Variants in PRDM6 observed in about 807,000 individuals in gnomAD.
PRDM6 encodes the protein PR/SET domain 6.
PRDM6 carries 25 observed loss-of-function variants against 60.8 expected under a neutral mutation model. The ratio of observed to expected loss-of-function variants is 0.41; its 90% CI spans 0.30 to 0.57. PRDM6 has a LOEUF of 0.57. Among genes scored for constraint, PRDM6 ranks in the 20% least tolerant of loss-of-function variants. The pLI is 0.27. For synonymous variants in PRDM6, 407 were observed against 357.4 expected (o/e 1.14, Z -1.57); for missense variants, 839 against 821.3 (o/e 1.02, Z -0.26).
chr5:123,181,514 G>A (rs188338164), intron 7 of PRDM6, among the ~76,000 whole-genome samples: 6 of 152,282 alleles, frequency 3.9e-5, no homozygotes, highest in African/African-American at 1.2e-4. Context: ...TGTTCTCAGA[G>A]CAGTTTTTAT....
intron 3 of PRDM6, among the ~76,000 whole-genome samples, chr5:123,137,393 T>C (rs1764983940): frequency 6.6e-6 from 1 of 152,206 alleles, no homozygotes; most frequent in African/African-American, 2.4e-5. Flanking sequence ...TCCTTAGAGC[T>C]TAAAATTACT....
chr5:123,152,022 A>G lies in PRDM6; in HGVS notation c.901-3862A>G, dbSNP rs76158831. Among the ~76,000 whole-genome samples the G allele has an allele frequency of 3.1e-4, 47 of 151,962 alleles. No individual in the cohort carries two copies. In the East Asian group the frequency reaches 8.1e-3, roughly 26 times the overall value. On this transcript the variant is annotated intron_variant, in intron 3 of 7. Coordinates refer to ENST00000407847, the MANE Select transcript of PRDM6 (RefSeq NM_001136239.4). ...AAAAAAAAAAACAGAAAAAAACAAT[A>G]CTCTGTACTCCCCTTCACTGGAAAA... is the stretch of plus-strand genomic sequence containing the variant.
intron 3 of PRDM6, among the ~76,000 whole-genome samples, chr5:123,111,452 A>G (rs1004162206): frequency 2.6e-5 from 4 of 152,164 alleles, no homozygotes; most frequent in African/African-American, 9.6e-5. Flanking sequence ...TAATCCCAAC[A>G]CTTTGGGAGG....
At position 123,191,108 on chromosome 5, in the gene PRDM6, A is replaced by G. The variant is rs994822960; in HGVS notation, c.*3907A>G. ...TGGGTTTTTATGACCCCCCCTTTCA[A>G]TGATAAGGCAACAAGTTGGGTACAA... is the stretch of plus-strand genomic sequence containing the variant. On this transcript the variant is annotated 3_prime_UTR_variant, in exon 8 of 8. Coordinates refer to ENST00000407847, the MANE Select transcript of PRDM6 (RefSeq NM_001136239.4). 1 of 152,152 alleles carries G rather than the reference A, an allele frequency of 6.6e-6. No individual in the cohort carries two copies. Among genetic ancestry groups the G allele is most frequent in the Admixed American group, 6.5e-5 (1 of 15,274 alleles). 9.4% of individuals were successfully genotyped at this position (152,152 alleles called of 1,614,324 possible).
Position 123,090,589 on chromosome 5 carries a change from C to G in PRDM6, c.575C>G (p.Thr192Ser), listed in dbSNP as rs551675521. 2.0e-4 allele frequency: 299 copies of G among 1,524,272 alleles called. No homozygotes were observed. In the African/African-American group the frequency reaches 2.8e-3, roughly 14 times the overall value. 94.4% of individuals were successfully genotyped at this position (1,524,272 alleles called of 1,614,324 possible). ...RMEIIPLNQH[T>S]SDPNNRCDMC... ...GAGATCATCCCGCTCAACCAGCACACCAGCGACCCCAACAACCGTACGTAG... is the reference window on the plus strand; with the variant it reads ...GAGATCATCCCGCTCAACCAGCACAGCAGCGACCCCAACAACCGTACGTAG... The change falls in exon 2 of 8, where the codon ACC (threonine) becomes AGC (serine). Residue 192 changes from threonine (T) to serine (S), a missense_variant. Transcript: ENST00000407847.
At chr5:123,130,630 T>C (rs559923364) in intron 3 of PRDM6, among the ~76,000 whole-genome samples, 13 of 151,578 alleles carry the variant, frequency 8.6e-5, no homozygotes, top group Non-Finnish European at 1.6e-4. Context: ...AATGGTGCAA[T>C]CTTGGCTCAC....
At chr5:123,175,050 A>C (rs1267888406) in intron 6 of PRDM6, among the ~76,000 whole-genome samples, 1 of 152,142 alleles carries the variant, frequency 6.6e-6, no homozygotes, top group African/African-American at 2.4e-5. Context: ...TGCCTAGGCC[A>C]AAGTAGCTTT....
intron 3 of PRDM6, among the ~76,000 whole-genome samples, chr5:123,130,880 A>T (rs1234212179): frequency 6.6e-6 from 1 of 152,186 alleles, no homozygotes; most frequent in Non-Finnish European, 1.5e-5. Context: ...GAATATTTTT[A>T]AAATGATAAA....
chr5:123,173,840 G>A (rs76990268), intron 6 of PRDM6, among the ~76,000 whole-genome samples: 511 of 152,188 alleles, frequency 3.4e-3, no homozygotes, highest in Middle Eastern at 0.01. Flanking sequence ...TTTCTGTTCC[G>A]GAACCCAGTA....
At chr5:123,166,284 C>T (rs898795335) in intron 5 of PRDM6, among the ~76,000 whole-genome samples, 19 of 152,322 alleles carry the variant, frequency 1.2e-4, no homozygotes, top group African/African-American at 4.3e-4. Flanking sequence ...GATATTCCAT[C>T]TTTTTGCATT....
chr5:123,130,290 T>TCCTTTCCTTTCTCTTCCCTCCCCTC (rs1764802410), intron 3 of PRDM6, among the ~76,000 whole-genome samples: 1 of 53,200 alleles, frequency 1.9e-5, no homozygotes, highest in Non-Finnish European at 3.7e-5. Context: ...CCCCTTCCCT[T>TCCTTTCCTTTCTCTTCCCTCCCCTC]CCCTCCCCTC....
chr5:123,133,035 T>G (rs1764869788), intron 3 of PRDM6, among the ~76,000 whole-genome samples: 1 of 152,090 alleles, frequency 6.6e-6, no homozygotes. Flanking sequence ...ATCTCCCTAG[T>G]AAAGGCTATG....
At chr5:123,119,033 A>AC (rs1275527765) in intron 3 of PRDM6, among the ~76,000 whole-genome samples, 1 of 152,010 alleles carries the variant, frequency 6.6e-6, no homozygotes, top group African/African-American at 2.4e-5. Flanking sequence ...AACAAAGAAG[A>AC]CCCCACCTGT....
At chr5:123,113,348 C>T (rs1218831765) in intron 3 of PRDM6, among the ~76,000 whole-genome samples, 1 of 152,198 alleles carries the variant, frequency 6.6e-6, no homozygotes, top group Non-Finnish European at 1.5e-5. Flanking sequence ...TTTAAAAATT[C>T]TCTTTATCTG....
At chr5:123,113,662 A>C (rs145095040) in intron 3 of PRDM6, among the ~76,000 whole-genome samples, 1 of 152,028 alleles carries the variant, frequency 6.6e-6, no homozygotes, top group African/African-American at 2.4e-5. Context: ...CCTTCTCACT[A>C]TCTGGCCTGT....
At chr5:123,110,661 G>C (rs931120863) in intron 3 of PRDM6, among the ~76,000 whole-genome samples, 11 of 148,380 alleles carry the variant, frequency 7.4e-5, no homozygotes, top group African/African-American at 2.7e-4. Flanking sequence ...TCCGCCTCCC[G>C]GGTTCAAGCT....
rs1766444534 is a variant in PRDM6, at chr5:123,192,120, A to T, written c.*4919A>T. ...ATGGAGGAAATTTTAATGGAAAAAT[A>T]AGGACATTCTGCGCTTATTCCCACA... is the stretch of plus-strand genomic sequence containing the variant. On this transcript the variant is annotated 3_prime_UTR_variant, in exon 8 of 8. Coordinates refer to ENST00000407847, the MANE Select transcript of PRDM6 (RefSeq NM_001136239.4). 6.6e-6 allele frequency: 1 copy of T among 152,242 alleles called. No homozygotes were observed. Among genetic ancestry groups the T allele is most frequent in the South Asian group, 2.1e-4 (1 of 4,832 alleles). The allele number at this position is 152,242 out of a possible 1,614,324, so 9.4% of individuals were successfully genotyped here. A position where few individuals can be genotyped will look rare whatever the true frequency, so the allele number is the denominator to read the frequency against.
intron 3 of PRDM6, among the ~76,000 whole-genome samples, chr5:123,142,899 A>AAAAAAAAAAAAAAAAAAAAAAAAAC (rs1765143030): frequency 1.5e-5 from 2 of 129,840 alleles, no homozygotes; most frequent in African/African-American, 5.7e-5. Context: ...AAAAAAAAAA[A>AAAAAAAAAAAAAAAAAAAAAAAAAC]AAACAAACAA....
intron 3 of PRDM6, among the ~76,000 whole-genome samples, chr5:123,153,029 A>C (rs1765404479): frequency 6.6e-6 from 1 of 152,226 alleles, no homozygotes; most frequent in South Asian, 2.1e-4. Context: ...GAGAAAGAAC[A>C]GACCAAAAGC....
Sources: allele counts gnomAD v4.1 joint callset (sites outside exome capture counted in the v4.1 genomes callset), GRCh38; gene constraint gnomAD v4.1.1; transcripts MANE v1.5; gene names NCBI Gene and HGNC (gene_info 2026-07-23, HGNC 2026-07-21).